The following TUBA4B variants were observed in gnomAD, a reference collection of about 807,000 sequenced individuals.
TUBA4B encodes the protein tubulin alpha 4b.
A neutral mutation model predicts 18.4 loss-of-function variants in TUBA4B; 13 were observed. The ratio of observed to expected loss-of-function variants is 0.71; its 90% confidence interval spans 0.46 to 1.12. The LOEUF is 1.12. TUBA4B is among the 50% of genes most tolerant of loss of function. The pLI is 0.00. For missense variants in TUBA4B, 244 were observed against 250.0 expected (o/e 0.98, Z 0.16); for synonymous variants, 101 against 99.1 (o/e 1.02, Z -0.11).
At position 219,271,252 on chromosome 2, in the gene TUBA4B, G is replaced by T; in HGVS notation, c.279G>T (p.Met93Ile). ...GTGSDVTSFL[M>I]EWLSVNYGKK... The stretch of plus-strand genomic sequence containing the variant: ...GCTCTGACGTCACCTCATTCCTGAT[G>T]GAGTGGCTTTCTGTTAACTATGGCA... Residue 93 changes from methionine to isoleucine, a missense_variant, in exon 4 of 4, where the codon ATG becomes ATT. Coordinates refer to ENST00000490341, the MANE Select transcript of TUBA4B (RefSeq NM_001355221.1). 7.4e-7 allele frequency: 1 copy of T among 1,359,026 alleles called. No individual in the cohort carries two copies. The highest frequency in any genetic ancestry group is 2.3e-5 in the East Asian group (1 of 43,668). The allele number at this position is 1,359,026 out of a possible 1,614,324, so 84.2% of individuals were successfully genotyped here.
intron 1 of TUBA4B, among the ~76,000 whole-genome samples, chr2:219,258,044 T>C (rs1951733503): frequency 6.9e-6 from 1 of 144,992 alleles, no homozygotes; most frequent in Admixed American, 7.2e-5. Flanking sequence ...TGGAGTGCAG[T>C]AGTGTGATCT....
intron 1 of TUBA4B, among the ~76,000 whole-genome samples, chr2:219,259,163 TA>T (rs1559279741): frequency 1.4e-5 from 2 of 147,272 alleles, no homozygotes; most frequent in African/African-American, 5.1e-5. Flanking sequence ...AATAAATAAA[TA>T]AATAAATTAT....
At position 219,271,885 on chromosome 2, in the gene TUBA4B, A is replaced by G; in HGVS notation, c.*186A>G. The stretch of plus-strand genomic sequence containing the variant: ...CCAGCCTCCCACTGTGGTGCCTGGG[A>G]GTGACCTGGTAAAGTGCAACGTGCC... On this transcript the variant is annotated 3_prime_UTR_variant, in exon 4 of 4. Coordinates refer to ENST00000490341, the MANE Select transcript of TUBA4B (RefSeq NM_001355221.1). 1.4e-6 allele frequency: 2 copies of G among 1,452,196 alleles called. No homozygotes were observed. The highest frequency in any genetic ancestry group is 9.7e-7 in the Non-Finnish European group (1 of 1,032,836). The allele number at this position is 1,452,196 out of a possible 1,614,324, so 90.0% of individuals were successfully genotyped here. A position where few individuals can be genotyped will look rare whatever the true frequency, so the allele number is the denominator to read the frequency against.
At chr2:219,269,817 C>T (rs879230479) in intron 2 of TUBA4B, among the ~76,000 whole-genome samples, 2 of 152,078 alleles carry the variant, frequency 1.3e-5, no homozygotes, top group African/African-American at 2.4e-5. Context: ...GTGCCCCAGG[C>T]GGTGTTTGTG....
intron 2 of TUBA4B, among the ~76,000 whole-genome samples, chr2:219,269,930 G>A (rs1005317559): frequency 6.6e-6 from 1 of 152,162 alleles, no homozygotes; most frequent in Admixed American, 6.5e-5. Flanking sequence ...CTGTGGTATA[G>A]CTTCCCAGGT....
At chr2:219,253,945 A>T in intron 1 of TUBA4B, 16 of 792,732 alleles carry the variant, frequency 2.0e-5, no homozygotes, top group South Asian at 4.0e-5. Flanking sequence ...CACCGCCCTT[A>T]TAGGCGGGGG....
chr2:219,257,098 C>G (rs944358180), intron 1 of TUBA4B, among the ~76,000 whole-genome samples: 4 of 129,790 alleles, frequency 3.1e-5, no homozygotes, highest in Non-Finnish European at 6.2e-5. Context: ...GGCTGGAGTA[C>G]AGTGGCGCGA....
intron 1 of TUBA4B, 150 bp from the exon 2 acceptor site, chr2:219,266,371 T>A (rs1359912301): frequency 1.7e-6 from 1 of 603,972 alleles, no homozygotes; most frequent in African/African-American, 1.9e-5. Flanking sequence ...AGAGCTTGCC[T>A]CGTACTCTGT....
At chr2:219,257,148 A>G (rs1951725795) in intron 1 of TUBA4B, among the ~76,000 whole-genome samples, 2 of 148,472 alleles carry the variant, frequency 1.3e-5, no homozygotes, top group Non-Finnish European at 3.0e-5. Flanking sequence ...GGTTCAAGCA[A>G]TTCTCCTGCC....
At chr2:219,267,915 C>T (rs1951800192) in intron 2 of TUBA4B, among the ~76,000 whole-genome samples, 1 of 151,988 alleles carries the variant, frequency 6.6e-6, no homozygotes, top group South Asian at 2.1e-4. Context: ...AGACATCATT[C>T]CCAGAGGGGC....
rs116837629 is a variant in TUBA4B, at chr2:219,256,210, G to T, written c.12+2791G>T. On this transcript the variant is annotated intron_variant, in intron 1 of 3. Coordinates refer to ENST00000490341, the MANE Select transcript of TUBA4B (RefSeq NM_001355221.1). ...GCAGATTCTTCATTTGTAAAACCGG[G>T]ATAACAACTTCAGATTGTGAATATC... 6.1e-3 allele frequency among the ~76,000 whole-genome samples: 926 copies of T among 152,276 alleles called. 4 individuals carry two copies. The highest frequency in any genetic ancestry group is 0.01 in the Admixed American group (156 of 15,294).
rs369713142 is a variant in TUBA4B at position 219,255,046 on chromosome 2, TTCTCTC to T, written c.12+1641_12+1646del. On this transcript the variant is annotated intron_variant, in intron 1 of 3. Coordinates refer to ENST00000490341, the MANE Select transcript of TUBA4B (RefSeq NM_001355221.1). ...TTTTCAAGCTACTTCTGCTTTCTCT[TTCTCTC>T]TCTCTCTCTCTCTTTTGAGTCAGTG... 4.7e-5 allele frequency among the ~76,000 whole-genome samples: 7 copies of T among 149,846 alleles called. No individual in the cohort carries two copies. In the South Asian group the frequency reaches 8.4e-4, roughly 18 times the overall value.
At chr2:219,260,448 A>G (rs981967507) in intron 1 of TUBA4B, among the ~76,000 whole-genome samples, 2 of 152,238 alleles carry the variant, frequency 1.3e-5, no homozygotes, top group Non-Finnish European at 2.9e-5. Context: ...AATGTCATAT[A>G]TATGCTGACG....
At chr2:219,258,806 C>T (rs1951740672) in intron 1 of TUBA4B, among the ~76,000 whole-genome samples, 1 of 152,154 alleles carries the variant, frequency 6.6e-6, no homozygotes, top group African/African-American at 2.4e-5. Flanking sequence ...CTCCAGTTCG[C>T]CACAGTCCTC....
Position 219,272,190 on chromosome 2 carries a change from T to C in TUBA4B, c.*491T>C. On this transcript the variant is annotated 3_prime_UTR_variant, in exon 4 of 4. Transcript: ENST00000490341. The stretch of plus-strand genomic sequence containing the variant: ...TCCTACATAAAGTGCTGTGGCCTTA[T>C]TGTCTCACGAATGTCTTTTTCTCTG... 1 of 473,718 alleles carries C rather than the reference T, an allele frequency of 2.1e-6. No individual in the cohort carries two copies. 29.3% of individuals were successfully genotyped at this position (473,718 alleles called of 1,614,324 possible).
In TUBA4B at chr2:219,271,727, T is replaced by C. The variant is rs757485570; in HGVS notation, c.*28T>C. On this transcript the variant is annotated 3_prime_UTR_variant, in exon 4 of 4. Coordinates refer to ENST00000490341, the MANE Select transcript of TUBA4B (RefSeq NM_001355221.1). The stretch of plus-strand genomic sequence containing the variant: ...TGTGATCCCCGGCACGGCAAGTACA[T>C]GGCCTGCTGCCTGCTATACCATGGA... The C allele has an allele frequency of 5.0e-6, 8 of 1,612,220 alleles. No individual in the cohort carries two copies. The highest frequency in any genetic ancestry group is 1.3e-5 in the African/African-American group (1 of 74,888).
chr2:219,264,176 T>C (rs536611384), intron 1 of TUBA4B, among the ~76,000 whole-genome samples: 3 of 152,166 alleles, frequency 2.0e-5, no homozygotes, highest in Non-Finnish European at 4.4e-5. Context: ...AGAACAACAA[T>C]AGGCCAGGTG....
intron 1 of TUBA4B, 83 bp downstream of exon 1, chr2:219,253,502 A>C: frequency 2.6e-6 from 3 of 1,159,184 alleles, no homozygotes; most frequent in Non-Finnish European, 3.7e-6. Context: ...GTAAGAGGGC[A>C]GCCAAACCCG....
chr2:219,270,218 C>A lies in TUBA4B; in HGVS notation c.75C>A (p.Ile25=), dbSNP rs1307432181. 1 of 760,268 alleles carries A rather than the reference C, an allele frequency of 1.3e-6. No homozygotes were observed. Among genetic ancestry groups the A allele is most frequent in the East Asian group, 2.4e-5 (1 of 40,844 alleles). 47.1% of individuals were successfully genotyped at this position (760,268 alleles called of 1,614,324 possible). ...LSRQHGTYRQ[I]FHPEQLITGK... is the part of the protein sequence containing the mutation. ...TTTGAACAGGCACATACCGCCAGATCTTCCATCCAGAGCAGCTCATCACAG... is the reference window on the plus strand; with the variant it reads ...TTTGAACAGGCACATACCGCCAGATATTCCATCCAGAGCAGCTCATCACAG... Residue 25 remains isoleucine (I), a synonymous_variant, in exon 3 of 4, where the codon ATC becomes ATA. Transcript: ENST00000490341.
Sources: allele counts gnomAD v4.1 joint callset (sites outside exome capture counted in the v4.1 genomes callset), GRCh38; gene constraint gnomAD v4.1.1; transcripts MANE v1.5; gene names NCBI Gene and HGNC (gene_info 2026-07-23, HGNC 2026-07-21).